DISP2: variants seen among roughly 807,000 people sequenced by gnomAD.
DISP2 encodes the protein dispatched RND transporter family member 2.
Under a neutral mutation model 95.5 loss-of-function variants are expected in DISP2, and 59 were observed. The observed-to-expected ratio is 0.62, with a 90% confidence interval of 0.50 to 0.77. The LOEUF (loss-of-function observed/expected upper bound fraction) is 0.77, where lower values mean the gene tolerates loss of function less well. DISP2 is among the 30% of genes least tolerant of loss of function. The pLI is 0.00. For synonymous variants in DISP2, 827 were observed against 815.0 expected (o/e 1.01, Z -0.25); for missense variants, 1,752 against 1,854.6 (o/e 0.94, Z 1.02).
chr15:40,363,860 TC>T lies in DISP2; in HGVS notation c.358del (p.His120ThrfsTer45), dbSNP rs775421210. On this transcript the variant is annotated frameshift_variant, in exon 2 of 8. Coordinates refer to ENST00000267889, the MANE Select transcript of DISP2 (RefSeq NM_033510.3). LOFTEE classifies it high-confidence loss of function. ...ACTTGGGGATCGGGCAGCTCTCTGC[TC>T]CCACGGCTCCAGCCTCAGCCCTTCT... is the stretch of plus-strand genomic sequence containing the variant. ...PGLGDRAALCSHGSSLSPSPA... is the reference protein window; with the variant it reads ...PGLGDRAALCXHGSSLSPSPA... 1 of 1,606,312 alleles carries T rather than the reference TC, an allele frequency of 6.2e-7. No homozygotes were observed. Among genetic ancestry groups the T allele is most frequent in the Non-Finnish European group, 8.5e-7 (1 of 1,175,132 alleles).
In DISP2 at chr15:40,367,798, C is replaced by T. The variant is rs201082244; in HGVS notation, c.1686C>T (p.Phe562=). 1.9e-6 allele frequency: 3 copies of T among 1,606,950 alleles called. No individual in the cohort carries two copies. Among genetic ancestry groups the T allele is most frequent in the Non-Finnish European group, 2.5e-6 (3 of 1,179,990 alleles). ...SSVCANHTLI[F]FDLWRLSKSQ... is the part of the protein sequence containing the mutation. The stretch of plus-strand genomic sequence containing the variant: ...TCTGCGCCAACCACACGCTCATCTT[C>T]TTCGACCTGTGGCGCCTTAGCAAGA... Residue 562 remains phenylalanine, a synonymous_variant, in exon 8 of 8, where the codon TTC becomes TTT. Transcript: ENST00000267889.
chr15:40,369,626 C>T lies in DISP2; in HGVS notation c.3514C>T (p.Arg1172Trp), dbSNP rs1051995309. The T allele has an allele frequency of 6.2e-7, 1 of 1,611,468 alleles. No individual in the cohort carries two copies. The highest frequency in any genetic ancestry group is 8.5e-7 in the Non-Finnish European group (1 of 1,180,002). ...QYELQPLARRRSPSFDTSTAT... is the reference protein window; with the variant it reads ...QYELQPLARRWSPSFDTSTAT... ...TGAGCTACAGCCCCTGGCACGGCGTCGGAGCCCCAGCTTTGACACCAGCAC... is the reference window on the plus strand; with the variant it reads ...TGAGCTACAGCCCCTGGCACGGCGTTGGAGCCCCAGCTTTGACACCAGCAC... The change falls in exon 8 of 8, where the codon CGG (arginine) becomes TGG (tryptophan). Residue 1172 changes from arginine to tryptophan, a missense_variant. Physicochemically the swap from Arg to Trp is moderately radical, Grantham distance 101. Transcript: ENST00000267889.
At position 40,369,840 on chromosome 15, in the gene DISP2, G is replaced by T. The variant is rs763148128; in HGVS notation, c.3728G>T (p.Ser1243Ile). 3.8e-6 allele frequency: 6 copies of T among 1,575,950 alleles called. No homozygotes were observed. The East Asian group carries it at 1.1e-4, about 30-fold the overall frequency. The change falls in exon 8 of 8, where the codon AGC becomes ATC. Residue 1243 changes from serine (S) to isoleucine (I), a missense_variant. Ser to Ile is a moderately radical substitution (Grantham distance 142). Around this residue, in one of 5 missense-constraint regions of DISP2, gnomAD observed 347 missense variants for 344.2 expected, o/e 1.01. Transcript: ENST00000267889. ...TCCCCCTATAAGCAGGCTGGCCCCA[G>T]CCCCAAAACCCGGGCCAGGCAGGAC... Reference protein sequence around the residue: ...TSSPYKQAGPSPKTRARQDSQ... With the variant: ...TSSPYKQAGPIPKTRARQDSQ...
In DISP2 at chr15:40,370,148, G is replaced by T; in HGVS notation, c.4036G>T (p.Glu1346Ter). 1 of 1,610,568 alleles carries T rather than the reference G, an allele frequency of 6.2e-7. No individual in the cohort carries two copies. ...KRDTLWLALRETVYDPSLPAS... is the reference protein window; with the variant it reads ...KRDTLWLALR ...GGACACCCTGTGGCTGGCGCTGAGG[G>T]AGACAGTGTATGACCCATCATTGCC... The change falls in exon 8 of 8, where the codon GAG (glutamate) becomes TAG (stop). Residue 1346 changes from glutamate to a stop codon, truncating the protein, a stop_gained. Transcript: ENST00000267889. LOFTEE classifies it high-confidence loss of function.
In DISP2 at chr15:40,369,461, GAGA is replaced by G; in HGVS notation, c.3354_3356del (p.Lys1118del). ...ATCTCTCTGCTGTTTCTTCGGGCCA[GAGA>G]AGAACTGTGGGCAGATCCTCTGGCC... On this transcript the variant is annotated inframe_deletion, in exon 8 of 8. Transcript: ENST00000267889. 6.2e-7 allele frequency: 1 copy of G among 1,613,324 alleles called. No homozygotes were observed. Among genetic ancestry groups the G allele is most frequent in the Non-Finnish European group, 8.5e-7 (1 of 1,180,012 alleles).
chr15:40,360,687 C>T (rs1294490869), intron 1 of DISP2, among the ~76,000 whole-genome samples: 1 of 152,150 alleles, frequency 6.6e-6, no homozygotes, highest in Non-Finnish European at 1.5e-5. Flanking sequence ...ACTCTTCTCC[C>T]GTATCCTCTG....
In DISP2 at chr15:40,367,899, C is replaced by T. The variant is rs1889534044; in HGVS notation, c.1787C>T (p.Ser596Phe). The change falls in exon 8 of 8, where the codon TCC (serine) becomes TTC (phenylalanine). Residue 596 changes from serine to phenylalanine, a missense_variant. Coordinates refer to ENST00000267889, the MANE Select transcript of DISP2 (RefSeq NM_033510.3). ...CACTTCGGCTACCTGCTGCTGGTCT[C>T]CGGCCTCACCACGAGCGCGGCCTTC... is the stretch of plus-strand genomic sequence containing the variant. ...MHHFGYLLLV[S>F]GLTTSAAFYA... 6.3e-7 allele frequency: 1 copy of T among 1,598,146 alleles called. No individual in the cohort carries two copies.
In DISP2 at chr15:40,367,975, C is replaced by A; in HGVS notation, c.1863C>A (p.Phe621Leu). The A allele has an allele frequency of 6.4e-7, 1 of 1,561,612 alleles. No individual in the cohort carries two copies. Among genetic ancestry groups the A allele is most frequent in the Non-Finnish European group, 8.6e-7 (1 of 1,161,478 alleles). ...CGGCCGTTCGCTGCCTCGCCCTCTT[C>A]ATGGGCACGGCTGTGCTGGTGCACC... ...RLPAVRCLAL[F>L]MGTAVLVHLA... Residue 621 changes from phenylalanine to leucine, a missense_variant, in exon 8 of 8, where the codon TTC (phenylalanine) becomes TTA (leucine). Phe to Leu is a conservative substitution (Grantham distance 22). Around this residue, in one of 5 missense-constraint regions of DISP2, gnomAD observed 732 missense variants for 714.6 expected, o/e 1.02. Coordinates refer to ENST00000267889, the MANE Select transcript of DISP2 (RefSeq NM_033510.3).
At position 40,377,294 on chromosome 15, in the gene DISP2, A is replaced by G. The variant is rs1217814573; in HGVS notation, c.*6976A>G. 1 of 150,834 alleles carries G rather than the reference A, an allele frequency of 6.6e-6. No individual in the cohort carries two copies. Among genetic ancestry groups the G allele is most frequent in the Non-Finnish European group, 1.5e-5 (1 of 67,862 alleles). The allele number at this position is 150,834 out of a possible 1,614,324, so 9.3% of individuals were successfully genotyped here. On this transcript the variant is annotated 3_prime_UTR_variant, in exon 8 of 8. Coordinates refer to ENST00000267889, the MANE Select transcript of DISP2 (RefSeq NM_033510.3). ...AGCCGAGATTGCGCCACTGCACTCC[A>G]TCCTGGGCAACAGAGTCTCAAAAAA...
In DISP2 at chr15:40,368,884, C is replaced by T. The variant is rs1353534906; in HGVS notation, c.2772C>T (p.Tyr924=). The T allele has an allele frequency of 1.9e-6, 3 of 1,614,036 alleles. No individual in the cohort carries two copies. In the South Asian group the frequency reaches 3.3e-5, roughly 18 times the overall value. The stretch of plus-strand genomic sequence containing the variant: ...ACTACAACCAGACCCAGCTCTTCTA[C>T]AATGAGGTCAGCCACTGGCTGGCAG... ...SPDYNQTQLF[Y]NEVSHWLAAE... Residue 924 remains tyrosine, a synonymous_variant, in exon 8 of 8, where the codon TAC becomes TAT. Transcript: ENST00000267889.
chr15:40,367,820 A>G lies in DISP2; in HGVS notation c.1708A>G (p.Lys570Glu). ...CTTCTTCGACCTGTGGCGCCTTAGC[A>G]AGAGCCAGCTGCCGTCGGGGGGGCT... ...LIFFDLWRLS[K>E]SQLPSGGLAQ... The change falls in exon 8 of 8, where the codon AAG (lysine) becomes GAG (glutamate). Residue 570 changes from lysine (K) to glutamate (E), a missense_variant. By Grantham distance (56) the Lys-to-Glu change is moderately conservative (BLOSUM62 1). This residue lies in a region of DISP2 where 732 missense variants were observed against 714.6 expected (regional missense o/e 1.02). Coordinates refer to ENST00000267889, the MANE Select transcript of DISP2 (RefSeq NM_033510.3). The G allele has an allele frequency of 6.2e-7, 1 of 1,603,720 alleles. No homozygotes were observed. The highest frequency in any genetic ancestry group is 8.5e-7 in the Non-Finnish European group (1 of 1,179,932).
At position 40,369,461 on chromosome 15, in the gene DISP2, G is replaced by C. The variant is rs1341294166; in HGVS notation, c.3349G>C (p.Glu1117Gln). 1 of 1,613,324 alleles carries C rather than the reference G, an allele frequency of 6.2e-7. No individual in the cohort carries two copies. The highest frequency in any genetic ancestry group is 1.1e-5 in the South Asian group (1 of 91,088). The change falls in exon 8 of 8, where the codon GAG becomes CAG. Residue 1117 changes from glutamate (E) to glutamine (Q), a missense_variant. Transcript: ENST00000267889. ...ATCTCTCTGCTGTTTCTTCGGGCCAGAGAAGAACTGTGGGCAGATCCTCTG... is the reference window on the plus strand; with the variant it reads ...ATCTCTCTGCTGTTTCTTCGGGCCACAGAAGAACTGTGGGCAGATCCTCTG... The part of the protein sequence containing the change: ...FQSLCCFFGP[E>Q]KNCGQILWPC...
Position 40,367,558 on chromosome 15 carries a change from G to A in DISP2, c.1446G>A (p.Arg482=). 1 of 1,613,880 alleles carries A rather than the reference G, an allele frequency of 6.2e-7. No homozygotes were observed. Among genetic ancestry groups the A allele is most frequent in the Admixed American group, 1.7e-5 (1 of 60,002 alleles). ...TGGGCCTCAAGCAGGAGCTGCTGAG[G>A]CACTTCCTGGTCCAGGACACGGTGT... ...MDLGLKQELL[R]HFLVQDTVYP... is the part of the protein sequence containing the mutation. Residue 482 remains arginine (R), a synonymous_variant, in exon 8 of 8, where the codon AGG becomes AGA. Coordinates refer to ENST00000267889, the MANE Select transcript of DISP2 (RefSeq NM_033510.3).
chr15:40,358,706 TC>T, intron 1 of DISP2, among the ~76,000 whole-genome samples: 1 of 150,848 alleles, frequency 6.6e-6, no homozygotes, highest in East Asian at 2.0e-4. Context: ...CTACCCCTCC[TC>T]TCAGGCCAGG....
chr15:40,368,081 C>A lies in DISP2; in HGVS notation c.1969C>A (p.Arg657=), dbSNP rs1337228419. 2.0e-5 allele frequency: 28 copies of A among 1,401,242 alleles called. No homozygotes were observed. The highest frequency in any genetic ancestry group is 2.3e-5 in the Non-Finnish European group (25 of 1,085,772). 86.8% of individuals were successfully genotyped at this position (1,401,242 alleles called of 1,614,324 possible). The change falls in exon 8 of 8, where the codon CGG becomes AGG. Residue 657 remains arginine (R), a synonymous_variant. Coordinates refer to ENST00000267889, the MANE Select transcript of DISP2 (RefSeq NM_033510.3). ...YLARGCARRA[R]GRWEGSAPRR... Reference sequence around the variant, plus strand: ...GGCGCGCGGCTGTGCGCGCCGGGCGCGGGGCCGGTGGGAGGGCAGCGCGCC... The same window carrying A: ...GGCGCGCGGCTGTGCGCGCCGGGCGAGGGGCCGGTGGGAGGGCAGCGCGCC...
Position 40,363,673 on chromosome 15 carries a change from C to T in DISP2, c.168C>T (p.Cys56=). The T allele has an allele frequency of 6.3e-7, 1 of 1,587,160 alleles. No individual in the cohort carries two copies. Among genetic ancestry groups the T allele is most frequent in the Non-Finnish European group, 8.6e-7 (1 of 1,166,590 alleles). The part of the protein sequence containing the change: ...VPPEASPERS[C]SLHSCPLEDP... ...CTGAGGCAAGCCCAGAGAGAAGCTG[C>T]TCCCTCCACAGCTGCCCCCTGGAGG... Residue 56 remains cysteine (C), a synonymous_variant, in exon 2 of 8, where the codon TGC becomes TGT. Coordinates refer to ENST00000267889, the MANE Select transcript of DISP2 (RefSeq NM_033510.3).
chr15:40,364,906 A>T lies in DISP2; in HGVS notation c.672A>T (p.Thr224=). The T allele has an allele frequency of 6.2e-7, 1 of 1,614,162 alleles. No individual in the cohort carries two copies. Among genetic ancestry groups the T allele is most frequent in the Non-Finnish European group, 8.5e-7 (1 of 1,180,008 alleles). The change falls in exon 5 of 8, where the codon ACA becomes ACT. Residue 224 remains threonine, a synonymous_variant. Coordinates refer to ENST00000267889, the MANE Select transcript of DISP2 (RefSeq NM_033510.3). The part of the protein sequence containing the change: ...LVVWRALQAL[T]GPRKLLFLSP... ...TCTGGAGAGCACTACAAGCCCTCACAGGCCCCAGGAAGCTGCTTTTCCTTT... is the reference window on the plus strand; with the variant it reads ...TCTGGAGAGCACTACAAGCCCTCACTGGCCCCAGGAAGCTGCTTTTCCTTT...
In DISP2 at chr15:40,367,838, G is replaced by T. The variant is rs139541441; in HGVS notation, c.1726G>T (p.Gly576Trp). The stretch of plus-strand genomic sequence containing the variant: ...CCTTAGCAAGAGCCAGCTGCCGTCG[G>T]GGGGGCTGGCGCAGCGCGTGGGCCG... ...WRLSKSQLPSGGLAQRVGRTM... is the reference protein window; with the variant it reads ...WRLSKSQLPSWGLAQRVGRTM... The change falls in exon 8 of 8, where the codon GGG becomes TGG. Residue 576 changes from glycine to tryptophan, a missense_variant. Around this residue, in one of 5 missense-constraint regions of DISP2, gnomAD observed 732 missense variants for 714.6 expected, o/e 1.02. Transcript: ENST00000267889. 6.4e-5 allele frequency: 103 copies of T among 1,601,362 alleles called. No individual in the cohort carries two copies. Among genetic ancestry groups the T allele is most frequent in the African/African-American group, 9.3e-5 (7 of 74,938 alleles).
In DISP2 at chr15:40,365,150, G is replaced by A. The variant is rs766946716; in HGVS notation, c.723G>A (p.Ser241=). 6.8e-6 allele frequency: 11 copies of A among 1,613,084 alleles called. No homozygotes were observed. The highest frequency in any genetic ancestry group is 5.5e-5 in the South Asian group (5 of 90,978). ...ATAGATATTCTCTCCACTTCAGCTC[G>A]AGCTCCCACAACACTCTGAGGCCTG... is the stretch of plus-strand genomic sequence containing the variant. The part of the protein sequence containing the change: ...FLSPDLELNS[S]SSHNTLRPAP... Residue 241 remains serine, a synonymous_variant, in exon 6 of 8, where the codon TCG becomes TCA. Transcript: ENST00000267889.
Sources: gnomAD v4.1 joint callset for allele counts (sites outside exome capture counted in the v4.1 genomes callset) on GRCh38, gnomAD v4.1.1 for gene constraint, gnomAD v4.1.1 regional missense constraint, MANE v1.5 for transcripts, NCBI Gene and HGNC (gene_info 2026-07-23, HGNC 2026-07-21) for gene names.